Variants in MIS18A observed in about 807,000 individuals in gnomAD.
MIS18A encodes protein Mis18-alpha.
Under a neutral mutation model 25.0 loss-of-function variants are expected in MIS18A, and 14 were observed. The observed-to-expected ratio is 0.56, with a 90% CI of 0.37 to 0.88. The LOEUF (loss-of-function observed/expected upper bound fraction) is 0.88. MIS18A is among the 40% of genes least tolerant of loss of function. The probability of loss-of-function intolerance (pLI) is 0.00; values close to 1 mark genes in which losing one functional copy is unlikely to be tolerated. For synonymous variants in MIS18A, 134 were observed against 118.6 expected (o/e 1.13, Z -0.84); for missense variants, 292 against 290.8 (o/e 1.00, Z -0.03).
the MIS18A span, among the ~76,000 whole-genome samples, chr21:32,156,724 G>A: frequency 1.3e-5 from 2 of 152,004 alleles, no homozygotes; most frequent in Non-Finnish European, 2.9e-5. Flanking sequence ...TTTCCAGCGG[G>A]GGGTTGCATC....
chr21:32,206,449 C>A, the MIS18A span, among the ~76,000 whole-genome samples: 1 of 152,034 alleles, frequency 6.6e-6, no homozygotes, highest in Non-Finnish European at 1.5e-5. Flanking sequence ...TCCTGCTTGG[C>A]GGCCTCTTTC....
At chr21:32,156,284 A>G in the MIS18A span, 2 of 152,210 alleles carry the variant, frequency 1.3e-5, no homozygotes, top group Non-Finnish European at 2.9e-5. Flanking sequence ...TTTTTATTTT[A>G]TTATGGAACT....
the MIS18A span, among the ~76,000 whole-genome samples, chr21:32,171,511 G>A: frequency 7.2e-5 from 11 of 152,088 alleles, no homozygotes; most frequent in South Asian, 4.2e-4. Context: ...TTTCATCATT[G>A]TATGCACATC....
chr21:32,176,416 C>T, the MIS18A span, among the ~76,000 whole-genome samples: 2 of 151,978 alleles, frequency 1.3e-5, no homozygotes, highest in African/African-American at 4.8e-5. Flanking sequence ...CTATCATTGA[C>T]CAAAATGTTA....
the MIS18A span, among the ~76,000 whole-genome samples, chr21:32,258,655 T>C: frequency 1.3e-5 from 2 of 151,968 alleles, no homozygotes; most frequent in Admixed American, 1.3e-4. Context: ...TCAGCAAAAT[T>C]AGTAATCACA....
the MIS18A span, among the ~76,000 whole-genome samples, chr21:32,256,783 T>C: frequency 6.6e-6 from 1 of 152,198 alleles, no homozygotes; most frequent in African/African-American, 2.4e-5. Flanking sequence ...TGCATGATCA[T>C]CTAGTGCTTC....
the MIS18A span, among the ~76,000 whole-genome samples, chr21:32,179,295 C>T: frequency 2.6e-5 from 4 of 152,124 alleles, no homozygotes; most frequent in Non-Finnish European, 4.4e-5. Flanking sequence ...TCACTTTTTA[C>T]TTCTGTGAGA....
At chr21:32,192,016 A>T in the MIS18A span, among the ~76,000 whole-genome samples, 637 of 152,334 alleles carry the variant, frequency 4.2e-3, 3 homozygotes, top group African/African-American at 0.014. Flanking sequence ...CAAAGGTGAC[A>T]CAAATGTTTG....
chr21:32,217,919 T>C, the MIS18A span, among the ~76,000 whole-genome samples: 3 of 151,910 alleles, frequency 2.0e-5, no homozygotes, highest in East Asian at 3.9e-4. Flanking sequence ...ATAAGCTGGG[T>C]GCAGTGGCTC....
At chr21:32,205,615 C>T in the MIS18A span, among the ~76,000 whole-genome samples, 1 of 152,222 alleles carries the variant, frequency 6.6e-6, no homozygotes, top group South Asian at 2.1e-4. Context: ...AATTTAAAAG[C>T]TTCTTGGCCA....
At chr21:32,272,009 A>C (rs777716267) in intron 2 of MIS18A, among the ~76,000 whole-genome samples, 1 of 152,142 alleles carries the variant, frequency 6.6e-6, no homozygotes, top group African/African-American at 2.4e-5. Context: ...ATCAACCTAA[A>C]CACCACCAAA....
chr21:32,250,084 C>T, the MIS18A span, among the ~76,000 whole-genome samples: 1 of 152,090 alleles, frequency 6.6e-6, no homozygotes, highest in Non-Finnish European at 1.5e-5. Flanking sequence ...GACTTTCCTT[C>T]CCGTGGCACT....
At chr21:32,206,331 G>T in the MIS18A span, among the ~76,000 whole-genome samples, 1 of 152,096 alleles carries the variant, frequency 6.6e-6, no homozygotes, top group Admixed American at 6.5e-5. Flanking sequence ...CTCTCCAAAA[G>T]GACTCATCTA....
At chr21:32,263,682 T>C (rs1270281322), downstream of MIS18A, among the ~76,000 whole-genome samples, 2 of 152,174 alleles carry the variant, frequency 1.3e-5, no homozygotes, top group African/African-American at 4.8e-5. Context: ...AACGAAAAGA[T>C]GTTAGGACTT....
the MIS18A span, among the ~76,000 whole-genome samples, chr21:32,189,875 C>G: frequency 6.6e-6 from 1 of 152,240 alleles, no homozygotes; most frequent in African/African-American, 2.4e-5. Flanking sequence ...TGCACCGACT[C>G]TGGGATACCT....
chr21:32,219,516 A>G, the MIS18A span, among the ~76,000 whole-genome samples: 2 of 152,212 alleles, frequency 1.3e-5, no homozygotes, highest in African/African-American at 2.4e-5. Context: ...CCATACCACC[A>G]GGGCCCTGGG....
chr21:32,242,999 G>A, the MIS18A span, among the ~76,000 whole-genome samples: 3 of 152,168 alleles, frequency 2.0e-5, no homozygotes, highest in Non-Finnish European at 4.4e-5. Context: ...GGTGAAAAGC[G>A]ATTCACTGGA....
intron 2 of MIS18A, among the ~76,000 whole-genome samples, chr21:32,271,950 C>T (rs1482857552): frequency 6.6e-6 from 1 of 152,168 alleles, no homozygotes; most frequent in Non-Finnish European, 1.5e-5. Flanking sequence ...CTTGAACTCC[C>T]CAAATCCACT....
At chr21:32,233,145 TC>T in the MIS18A span, among the ~76,000 whole-genome samples, 2 of 152,220 alleles carry the variant, frequency 1.3e-5, no homozygotes, top group Non-Finnish European at 2.9e-5. Flanking sequence ...CTGGATGAAT[TC>T]CTTGTTTTCT....
Sources: allele counts gnomAD v4.1 joint callset (sites outside exome capture counted in the v4.1 genomes callset), GRCh38; gene constraint gnomAD v4.1.1; transcripts MANE v1.5; gene names NCBI Gene and HGNC (gene_info 2026-07-23, HGNC 2026-07-21).